Variants in TRERF1 observed in about 807,000 individuals in gnomAD.
TRERF1 encodes transcriptional regulating factor 1, also known as transcriptional-regulating factor 1.
TRERF1 carries 27 observed loss-of-function variants against 122.9 expected under a neutral mutation model. That is an observed-to-expected ratio of 0.22 (90% CI 0.16 to 0.30). TRERF1 has a LOEUF of 0.30. TRERF1 is among the 10% of genes least tolerant of loss of function. The pLI, the probability that TRERF1 is intolerant of heterozygous loss-of-function variation, is 1.00. For missense variants in TRERF1, 1,248 were observed against 1,560.3 expected (o/e 0.80, Z 3.37); for synonymous variants, 636 against 641.7 (o/e 0.99, Z 0.13).
intron 2 of TRERF1, among the ~76,000 whole-genome samples, chr6:42,448,187 AC>A (rs1356937759): frequency 2.0e-5 from 3 of 151,614 alleles, no homozygotes; most frequent in Non-Finnish European, 4.4e-5. Flanking sequence ...GCAAAGCCAC[AC>A]TGGGCTTTCT....
At chr6:42,265,899 ACT>A (rs1582679441) in intron 5 of TRERF1, 102 bp from the exon 6 acceptor site, 2 of 1,241,538 alleles carry the variant, frequency 1.6e-6, no homozygotes, top group Non-Finnish European at 2.3e-6. Context: ...CTCTTCCAGG[ACT>A]CTTTCTGCTG....
Position 42,237,875 on chromosome 6 carries a change from A to G in TRERF1, c.2860-1464T>C, listed in dbSNP as rs944184553. ...ATTGTCCTTATTTAATATCACATAC[A>G]TGTATACTTGCGATGCAGTATGAAC... On this transcript the variant is annotated intron_variant, in intron 15 of 17. Coordinates refer to ENST00000372922, the Ensembl canonical transcript of TRERF1. Among the ~76,000 whole-genome samples the G allele has an allele frequency of 2.0e-5, 3 of 152,234 alleles. No homozygotes were observed. The South Asian group carries it at 6.2e-4, about 31-fold the overall frequency.
intron 2 of TRERF1, among the ~76,000 whole-genome samples, chr6:42,394,374 C>T (rs567272050): frequency 9.1e-4 from 138 of 152,332 alleles, no homozygotes; most frequent in African/African-American, 3.2e-3. Context: ...TTGGAAGGCA[C>T]AGCAGAGAAG....
intron 7 of TRERF1, 47 bp downstream of exon 7, chr6:42,264,657 C>T (rs1220440119): frequency 6.3e-7 from 1 of 1,594,410 alleles, no homozygotes. Context: ...CAAAGCAAAG[C>T]AAGCAGCACA....
intron 8 of TRERF1, among the ~76,000 whole-genome samples, chr6:42,262,424 T>C (rs1778119803): frequency 1.3e-5 from 1 of 77,644 alleles, no homozygotes; most frequent in Non-Finnish European, 2.6e-5. Flanking sequence ...GGTCACAAAT[T>C]CCCTAGGGGC....
At chr6:42,419,163 A>T (rs550294571) in intron 2 of TRERF1, among the ~76,000 whole-genome samples, 1 of 152,186 alleles carries the variant, frequency 6.6e-6, no homozygotes, top group African/African-American at 2.4e-5. Flanking sequence ...ACTGATATGA[A>T]CTGCCACAAT....
chr6:42,424,913 T>C (rs1334528832), intron 2 of TRERF1, among the ~76,000 whole-genome samples: 1 of 152,262 alleles, frequency 6.6e-6, no homozygotes, highest in Non-Finnish European at 1.5e-5. Context: ...CACTGCATAC[T>C]GTGCAAGTGG....
intron 2 of TRERF1, among the ~76,000 whole-genome samples, chr6:42,368,047 T>C (rs1262566094): frequency 6.6e-6 from 1 of 152,054 alleles, no homozygotes; most frequent in African/African-American, 2.4e-5. Flanking sequence ...AGTTCACTTA[T>C]CTGAAAGTGC....
chr6:42,430,751 G>C (rs894489489), intron 2 of TRERF1, among the ~76,000 whole-genome samples: 1 of 152,168 alleles, frequency 6.6e-6, no homozygotes, highest in Non-Finnish European at 1.5e-5. Flanking sequence ...CAAAAAATTA[G>C]CCAGGCGTGG....
intron 2 of TRERF1, among the ~76,000 whole-genome samples, chr6:42,391,201 G>A (rs772516842): frequency 2.0e-5 from 3 of 152,202 alleles, no homozygotes; most frequent in Non-Finnish European, 4.4e-5. Flanking sequence ...CGAACATGGA[G>A]CAGGTGCTCA....
chr6:42,319,108 A>G (rs1020110173), intron 3 of TRERF1, among the ~76,000 whole-genome samples: 2 of 151,816 alleles, frequency 1.3e-5, no homozygotes, highest in African/African-American at 4.8e-5. Flanking sequence ...GTGTTTCTCC[A>G]CCTTTTCTTC....
chr6:42,252,334 C>T lies in TRERF1; in HGVS notation c.2656+2517G>A, dbSNP rs1004282656. On this transcript the variant is annotated intron_variant, in intron 13 of 17. Coordinates refer to ENST00000372922, the Ensembl canonical transcript of TRERF1. ...ATGAGTAAAGTAAGGAAGTGATTTTCGTAGGCCTGTGTCTTTGTCTTTCTC... is the reference window on the plus strand; with the variant it reads ...ATGAGTAAAGTAAGGAAGTGATTTTTGTAGGCCTGTGTCTTTGTCTTTCTC... Among the ~76,000 whole-genome samples the T allele has an allele frequency of 4.6e-5, 7 of 152,316 alleles. No individual in the cohort carries two copies. The South Asian group carries it at 1.0e-3, about 23-fold the overall frequency.
intron 4 of TRERF1, among the ~76,000 whole-genome samples, chr6:42,283,778 G>A: frequency 6.6e-6 from 1 of 151,772 alleles, no homozygotes; most frequent in South Asian, 2.1e-4. Context: ...CACCGTGCCT[G>A]GCTAATTTTG....
At chr6:42,248,927 C>A (rs1276958827) in intron 13 of TRERF1, among the ~76,000 whole-genome samples, 1 of 152,168 alleles carries the variant, frequency 6.6e-6, no homozygotes, top group Non-Finnish European at 1.5e-5. Flanking sequence ...TACCCAGGAA[C>A]AGAGGTAGAA....
At chr6:42,395,335 A>G (rs996920970) in intron 2 of TRERF1, among the ~76,000 whole-genome samples, 2 of 152,206 alleles carry the variant, frequency 1.3e-5, no homozygotes, top group African/African-American at 4.8e-5. Flanking sequence ...GAGCAGGGCT[A>G]AATTCATTGG....
At chr6:42,368,623 G>A (rs1027057565) in intron 2 of TRERF1, among the ~76,000 whole-genome samples, 7 of 152,210 alleles carry the variant, frequency 4.6e-5, no homozygotes, top group South Asian at 2.1e-4. Flanking sequence ...ATGTTTCAGC[G>A]TCTTCTTTAC....
In TRERF1 at chr6:42,231,841, A is replaced by G. The variant is rs188447340; in HGVS notation, c.3278+840T>C. 1.1e-4 allele frequency among the ~76,000 whole-genome samples: 17 copies of G among 152,366 alleles called. No individual in the cohort carries two copies. The East Asian group carries it at 2.1e-3, about 19-fold the overall frequency. On this transcript the variant is annotated intron_variant, in intron 17 of 17. Transcript: ENST00000372922. ...CTGCATTCGGACAAAACTGGGTTCAAATCTCAGTTCTGCTCTTTACTGGCA... is the reference window on the plus strand; with the variant it reads ...CTGCATTCGGACAAAACTGGGTTCAGATCTCAGTTCTGCTCTTTACTGGCA...
chr6:42,262,698 CTT>C (rs967326906), intron 8 of TRERF1, among the ~76,000 whole-genome samples: 3 of 152,072 alleles, frequency 2.0e-5, no homozygotes, highest in African/African-American at 7.2e-5. Context: ...AAACAAATCT[CTT>C]TGCTTTCCTG....
chr6:42,283,221 C>G (rs756208625), intron 4 of TRERF1, among the ~76,000 whole-genome samples: 1 of 152,164 alleles, frequency 6.6e-6, no homozygotes, highest in Non-Finnish European at 1.5e-5. Flanking sequence ...GGTGGAGTTG[C>G]CTTGTTTAAC....
Sources: gnomAD v4.1 joint callset for allele counts (sites outside exome capture counted in the v4.1 genomes callset) on GRCh38, gnomAD v4.1.1 for gene constraint, MANE v1.5 for transcripts, NCBI Gene and HGNC (gene_info 2026-07-23, HGNC 2026-07-21) for gene names.